Variants in TEX10 observed in about 807,000 individuals in gnomAD.
TEX10 encodes the protein testis-expressed protein 10.
Under a neutral mutation model 104.4 loss-of-function variants are expected in TEX10, and 24 were observed. The ratio of observed to expected loss-of-function variants is 0.23; its 90% CI spans 0.17 to 0.32. The LOEUF (loss-of-function observed/expected upper bound fraction) is 0.32. Among genes scored for constraint, TEX10 ranks in the 10% least tolerant of loss-of-function variants. TEX10 has a pLI of 1.00. For synonymous variants in TEX10, 396 were observed against 393.4 expected, an observed-to-expected ratio of 1.01 and a Z score of -0.08; for missense variants, 921 against 1,083.9, an observed-to-expected ratio of 0.85 and a Z score of 2.11.
intron 2 of TEX10, among the ~76,000 whole-genome samples, chr9:100,348,026 T>C (rs1277653502): frequency 6.6e-6 from 1 of 152,222 alleles, no homozygotes; most frequent in Admixed American, 6.5e-5. Context: ...AACTGCTGAG[T>C]GATCAACAAT....
rs749912215 is a variant in TEX10, at chr9:100,303,707, C to T, written c.2601G>A (p.Leu867=). The change falls in exon 14 of 15, where the codon CTG becomes CTA. Residue 867 remains leucine, a synonymous_variant. Coordinates refer to ENST00000374902, the MANE Select transcript of TEX10 (RefSeq NM_017746.4). Reference sequence around the variant, plus strand: ...GAGTCCTGAGGGGTGCATGCTGAAGCAGCAGTCGAAGCAGCTGGCCCACAA... The same window carrying T: ...GAGTCCTGAGGGGTGCATGCTGAAGTAGCAGTCGAAGCAGCTGGCCCACAA... The part of the protein sequence containing the change: ...LPVVGQLLRL[L]LQHAPLRTHM... The T allele has an allele frequency of 1.2e-6, 2 of 1,614,140 alleles. No homozygotes were observed. Among genetic ancestry groups the T allele is most frequent in the South Asian group, 2.2e-5 (2 of 91,064 alleles).
Position 100,340,382 on chromosome 9 carries a change from C to A in TEX10, c.1138-13G>T. 1 of 1,446,028 alleles carries A rather than the reference C, an allele frequency of 6.9e-7. No individual in the cohort carries two copies. Among genetic ancestry groups the A allele is most frequent in the Non-Finnish European group, 9.3e-7 (1 of 1,079,048 alleles). 89.6% of individuals were successfully genotyped at this position (1,446,028 alleles called of 1,614,324 possible). On this transcript the variant is annotated splice_polypyrimidine_tract_variant and intron_variant, in intron 4 of 14. Coordinates refer to ENST00000374902, the MANE Select transcript of TEX10 (RefSeq NM_017746.4). ...GAAGCCATGACTCCTATTGAAATAG[C>A]AAAGATTAGAAAAATCTACAAGAAA...
At position 100,349,270 on chromosome 9, in the gene TEX10, T is replaced by C. The variant is rs574362745; in HGVS notation, c.94A>G (p.Asn32Asp). 2.9e-5 allele frequency: 46 copies of C among 1,608,602 alleles called. No individual in the cohort carries two copies. Among genetic ancestry groups the C allele is most frequent in the African/African-American group, 4.0e-5 (3 of 74,786 alleles). ...AGATGTATAGTCTTTGTTTTAAAGTTTGTAGGAGTAGCATTTTGTAACTTG... is the reference window on the plus strand; with the variant it reads ...AGATGTATAGTCTTTGTTTTAAAGTCTGTAGGAGTAGCATTTTGTAACTTG... Reference protein sequence around the residue: ...KPKLQNATPTNFKTKTIHLPE... With the variant: ...KPKLQNATPTDFKTKTIHLPE... The change falls in exon 2 of 15, where the codon AAC becomes GAC. Residue 32 changes from asparagine (N) to aspartate (D), a missense_variant. By Grantham distance (23) the Asn-to-Asp change is conservative (BLOSUM62 1). Around this residue, in one of 3 missense-constraint regions of TEX10, gnomAD observed 118 missense variants for 111.3 expected, o/e 1.06. Coordinates refer to ENST00000374902, the MANE Select transcript of TEX10 (RefSeq NM_017746.4).
chr9:100,322,761 G>A (rs904324345), intron 9 of TEX10, among the ~76,000 whole-genome samples: 12 of 151,908 alleles, frequency 7.9e-5, no homozygotes, highest in Non-Finnish European at 1.5e-4. Flanking sequence ...GATTATAGAC[G>A]TGCACCAACA....
chr9:100,328,199 T>C (rs552974628), intron 7 of TEX10, among the ~76,000 whole-genome samples: 2 of 152,320 alleles, frequency 1.3e-5, no homozygotes, highest in African/African-American at 2.4e-5. Flanking sequence ...TATTTTTATT[T>C]TGAAGGATAG....
At chr9:100,339,268 AAAAAAAG>A (rs1835100096) in intron 5 of TEX10, among the ~76,000 whole-genome samples, 2 of 125,448 alleles carry the variant, frequency 1.6e-5, no homozygotes, top group Admixed American at 8.3e-5. Flanking sequence ...AAAAAAAAAA[AAAAAAAG>A]TATATATATA....
rs147607327 is a variant in TEX10 at position 100,303,733 on chromosome 9, C to A, written c.2575G>T (p.Val859Phe). The change falls in exon 14 of 15, where the codon GTT becomes TTT. Residue 859 changes from valine (V) to phenylalanine (F), a missense_variant. Physicochemically the swap from Val to Phe is conservative, Grantham distance 50 (BLOSUM62 -1). This residue lies in a region of TEX10 where 753 missense variants were observed against 868.4 expected (regional missense o/e 0.87). Transcript: ENST00000374902. ...AGCAGTCGAAGCAGCTGGCCCACAA[C>A]AGGCAGCTCCTCAGGCCCAACTCTG... ...VNRVGPEELP[V>F]VGQLLRLLLQ... The A allele has an allele frequency of 6.2e-7, 1 of 1,614,008 alleles. No individual in the cohort carries two copies. Among genetic ancestry groups the A allele is most frequent in the Non-Finnish European group, 8.5e-7 (1 of 1,180,028 alleles).
In TEX10 at chr9:100,302,287, A is replaced by G. The variant is rs1381325504; in HGVS notation, c.2694T>C (p.Ser898=). Residue 898 remains serine, a synonymous_variant, in exon 15 of 15, where the codon AGT becomes AGC. Transcript: ENST00000374902. ...IKNITTLKSG[S]VQEQWLTDLH... ...AGTCTGTGAGCCACTGTTCCTGAAC[A>G]CTTCCACTCTTCAATGTCTGGAGAG... 3 of 1,612,628 alleles carry G rather than the reference A, an allele frequency of 1.9e-6. No homozygotes were observed. Among genetic ancestry groups the G allele is most frequent in the Non-Finnish European group, 2.5e-6 (3 of 1,179,172 alleles).
Position 100,308,668 on chromosome 9 carries a change from A to G in TEX10, c.2297T>C (p.Val766Ala). ...ACAGCCAGCCGTGCTGTCAGGAATT[A>G]CAGTCAACCCAACCTAAGCAGAGAA... Reference protein sequence around the residue: ...AISKHLVGLTVIPDSTAGCVF... With the variant: ...AISKHLVGLTAIPDSTAGCVF... The change falls in exon 13 of 15, where the codon GTA becomes GCA. Residue 766 changes from valine to alanine, a missense_variant. Around this residue, in one of 3 missense-constraint regions of TEX10, gnomAD observed 753 missense variants for 868.4 expected, o/e 0.87. Transcript: ENST00000374902. The G allele has an allele frequency of 6.2e-7, 1 of 1,605,274 alleles. No individual in the cohort carries two copies. The highest frequency in any genetic ancestry group is 8.5e-7 in the Non-Finnish European group (1 of 1,176,832).
rs1327257596 is a variant in TEX10 at position 100,345,920 on chromosome 9, GTTT to G, written c.1137+149_1137+151del. The G allele has an allele frequency of 7.1e-6, 5 of 699,418 alleles. No homozygotes were observed. The African/African-American group carries it at 9.2e-5, about 13-fold the overall frequency. 43.3% of individuals were successfully genotyped at this position (699,418 alleles called of 1,614,324 possible). ...AATAACTTCAGAAAACTAATTTGTA[GTTT>G]TGTGCAAAACAAACAAGTTTACAGT... On this transcript the variant is annotated intron_variant, in intron 4 of 14. Transcript: ENST00000374902.
intron 6 of TEX10, among the ~76,000 whole-genome samples, chr9:100,329,655 A>T (rs1473126988): frequency 6.6e-6 from 1 of 152,194 alleles, no homozygotes; most frequent in Non-Finnish European, 1.5e-5. Flanking sequence ...TTCATGCCAT[A>T]TCAATCAAGG....
Position 100,326,586 on chromosome 9 carries a change from G to A in TEX10, c.1802-107C>T, listed in dbSNP as rs939177189. On this transcript the variant is annotated intron_variant, in intron 8 of 14. Coordinates refer to ENST00000374902, the MANE Select transcript of TEX10 (RefSeq NM_017746.4). The stretch of plus-strand genomic sequence containing the variant: ...ATTGAATTATGGGCTAACATTTTAT[G>A]CTGAATTTTATGAATATCAATTACA... The A allele has an allele frequency of 4.5e-6, 5 of 1,107,334 alleles. No homozygotes were observed. The African/African-American group carries it at 6.3e-5, about 14-fold the overall frequency. The allele number at this position is 1,107,334 out of a possible 1,614,324, so 68.6% of individuals were successfully genotyped here.
intron 11 of TEX10, among the ~76,000 whole-genome samples, chr9:100,316,057 A>G (rs10819757): frequency 0.13 from 20,158 of 152,216 alleles, 1,395 homozygotes; most frequent in Non-Finnish European, 0.15. Context: ...GTCACTTTAC[A>G]TAAGTCCCAA....
At chr9:100,336,007 G>C (rs540898559) in intron 5 of TEX10, among the ~76,000 whole-genome samples, 23 of 151,556 alleles carry the variant, frequency 1.5e-4, no homozygotes, top group African/African-American at 5.3e-4. Context: ...GTCTCTACTA[G>C]ATACAAAAAA....
chr9:100,326,793 A>G (rs760746639), intron 8 of TEX10, among the ~76,000 whole-genome samples: 25 of 152,350 alleles, frequency 1.6e-4, no homozygotes, highest in Non-Finnish European at 2.9e-4. Context: ...CAATTTTGCT[A>G]AACAGTGACA....
chr9:100,317,122 AC>A (rs1564206109), intron 11 of TEX10, among the ~76,000 whole-genome samples: 1 of 152,094 alleles, frequency 6.6e-6, no homozygotes, highest in Non-Finnish European at 1.5e-5. Flanking sequence ...ATCATTTTTC[AC>A]AAAATTAGAA....
In TEX10 at chr9:100,352,292, C is replaced by A; in HGVS notation, c.-10+480G>T. 3 of 1,487,604 alleles carry A rather than the reference C, an allele frequency of 2.0e-6. No individual in the cohort carries two copies. The African/African-American group carries it at 4.2e-5, about 21-fold the overall frequency. The allele number at this position is 1,487,604 out of a possible 1,614,324, so 92.2% of individuals were successfully genotyped here. A position where few individuals can be genotyped will look rare whatever the true frequency, so the allele number is the denominator to read the frequency against. Reference sequence around the variant, plus strand: ...CAAATGGCCCAGGCAGGGGCGACCCCAGAAAACTGGTAGTCCCCTTCCGCT... The same window carrying A: ...CAAATGGCCCAGGCAGGGGCGACCCAAGAAAACTGGTAGTCCCCTTCCGCT... On this transcript the variant is annotated intron_variant, in intron 1 of 14. Coordinates refer to ENST00000374902, the MANE Select transcript of TEX10 (RefSeq NM_017746.4).
In TEX10 at chr9:100,330,143, T is replaced by C. The variant is rs768403842; in HGVS notation, c.1277A>G (p.Asn426Ser). ...ATTCAGTAAGAGATGATCTATGTTA[T>C]TGGAGAGAACTGTGCAATGCTTGAT... ...KSIKHCTVLS[N>S]NIDHLLLNLT... Residue 426 changes from asparagine to serine, a missense_variant, in exon 6 of 15, where the codon AAT (asparagine) becomes AGT (serine). Asn to Ser is a conservative substitution (Grantham distance 46, BLOSUM62 1). Transcript: ENST00000374902. 6.8e-6 allele frequency: 11 copies of C among 1,613,174 alleles called. No homozygotes were observed. Among genetic ancestry groups the C allele is most frequent in the Admixed American group, 5.0e-5 (3 of 59,956 alleles).
intron 14 of TEX10, 93 bp from the exon 15 acceptor site, chr9:100,302,397 C>T: frequency 1.3e-6 from 1 of 795,450 alleles, no homozygotes; most frequent in Non-Finnish European, 2.0e-6. Context: ...TTTCCCAGAG[C>T]TTTGGCAACT....
Sources: gnomAD v4.1 joint callset for allele counts (sites outside exome capture counted in the v4.1 genomes callset) on GRCh38, gnomAD v4.1.1 for gene constraint, gnomAD v4.1.1 regional missense constraint, MANE v1.5 for transcripts, NCBI Gene and HGNC (gene_info 2026-07-23, HGNC 2026-07-21) for gene names.